Variants in NPIPB15 observed in about 807,000 individuals in gnomAD.
NPIPB15 encodes nuclear pore complex interacting protein family member B15, also known as nuclear pore complex-interacting protein family member B15.
In NPIPB15, 5 loss-of-function variants were observed where a neutral mutation model predicts 35.9. That is an observed-to-expected ratio of 0.14 (90% CI 0.07 to 0.29). The LOEUF is 0.29. Among genes scored for constraint, NPIPB15 ranks in the 10% least tolerant of loss-of-function variants. The pLI, the probability that NPIPB15 is intolerant of heterozygous loss-of-function variation, is 1.00. For synonymous variants in NPIPB15, 43 were observed against 182.0 expected (o/e 0.24, Z 6.15); for missense variants, 100 against 506.1 (o/e 0.20, Z 7.70).
intron 2 of NPIPB15, among the ~76,000 whole-genome samples, chr16:74,379,633 A>C (rs1387394497): frequency 6.8e-6 from 1 of 146,410 alleles, no homozygotes; most frequent in African/African-American, 2.6e-5. Context: ...TCTGTCACCC[A>C]GGCTGAAGTG....
intron 3 of NPIPB15, among the ~76,000 whole-genome samples, chr16:74,384,493 C>T (rs867617446): frequency 4.8e-5 from 5 of 104,462 alleles, no homozygotes; most frequent in African/African-American, 1.5e-4. Flanking sequence ...CTCAGCCTCC[C>T]GAGTAGCTGG....
At chr16:74,386,464 T>TTA in intron 5 of NPIPB15, among the ~76,000 whole-genome samples, 3 of 127,102 alleles carry the variant, frequency 2.4e-5, no homozygotes, top group African/African-American at 9.2e-5. Context: ...CCAATTTTTT[T>TTA]TTTTTTTTTT....
chr16:74,387,762 G>A (rs2012353399), intron 5 of NPIPB15, among the ~76,000 whole-genome samples: 1 of 151,588 alleles, frequency 6.6e-6, no homozygotes, highest in Non-Finnish European at 1.5e-5. Flanking sequence ...ATGCCCTGTG[G>A]TCAGAAACAA....
Position 74,376,566 on chromosome 16 carries a change from C to A in NPIPB15, c.-803C>A, listed in dbSNP as rs1288569387. Among the ~76,000 whole-genome samples, 2 of 151,318 alleles carry A rather than the reference C, an allele frequency of 1.3e-5. No individual in the cohort carries two copies. The highest frequency in any genetic ancestry group is 4.9e-5 in the African/African-American group (2 of 41,212). ...AAATGCACAGATTCCTTGGACGTCC[C>A]TGAGAGGTCAATGATGAAGGTCAAC... On this transcript the variant is annotated 5_prime_UTR_variant, in exon 1 of 8. It adds an upstream start codon to the 5' untranslated region. Coordinates refer to ENST00000692376, the MANE Select transcript of NPIPB15 (RefSeq NM_001306094.2).
At chr16:74,382,823 G>T (rs1168947656) in intron 3 of NPIPB15, among the ~76,000 whole-genome samples, 1 of 150,328 alleles carries the variant, frequency 6.7e-6, no homozygotes, top group East Asian at 2.0e-4. Context: ...AAATATATGA[G>T]TTATGAAGAT....
intron 3 of NPIPB15, among the ~76,000 whole-genome samples, chr16:74,382,516 T>C (rs1198634023): frequency 8.5e-5 from 13 of 152,222 alleles, no homozygotes; most frequent in Admixed American, 8.5e-4. Context: ...TGGAAAGAGA[T>C]CAGTATGTCA....
At position 74,376,724 on chromosome 16, in the gene NPIPB15, A is replaced by G. The variant is rs1163264146; in HGVS notation, c.-645A>G. On this transcript the variant is annotated 5_prime_UTR_variant, in exon 1 of 8. Transcript: ENST00000692376. Reference sequence around the variant, plus strand: ...CTAGGTGGGTTAGGGGTGATTTGAGATCACACAACCTTGTGCCACAAAGAG... The same window carrying G: ...CTAGGTGGGTTAGGGGTGATTTGAGGTCACACAACCTTGTGCCACAAAGAG... Among the ~76,000 whole-genome samples, 2 of 151,910 alleles carry G rather than the reference A, an allele frequency of 1.3e-5. No individual in the cohort carries two copies. The highest frequency in any genetic ancestry group is 2.1e-4 in the South Asian group (1 of 4,820).
chr16:74,391,342 G>T, intron 7 of NPIPB15, 49 bp from the exon 8 acceptor site: 1 of 1,583,806 alleles, frequency 6.3e-7, no homozygotes. Context: ...CGGTAATTTT[G>T]TCCATCAAAT....
rs532914956 is a variant in NPIPB15, at chr16:74,377,540, T to G, written c.-23+194T>G. Reference sequence around the variant, plus strand: ...AGGGAGGGCCCAGACCGAAGAAGGTTTGGTGGATAGCAGAACCTTTTTGTC... The same window carrying G: ...AGGGAGGGCCCAGACCGAAGAAGGTGTGGTGGATAGCAGAACCTTTTTGTC... On this transcript the variant is annotated intron_variant, in intron 1 of 7. Transcript: ENST00000692376. Among the ~76,000 whole-genome samples, 27 of 152,226 alleles carry G rather than the reference T, an allele frequency of 1.8e-4. No homozygotes were observed. The South Asian group carries it at 5.2e-3, about 29-fold the overall frequency.
At chr16:74,384,945 T>C (rs2012185365) in intron 3 of NPIPB15, among the ~76,000 whole-genome samples, 1 of 149,698 alleles carries the variant, frequency 6.7e-6, no homozygotes, top group Non-Finnish European at 1.5e-5. Context: ...CCTCCCAAAG[T>C]GCTGGGATTA....
At chr16:74,377,721 C>T (rs1384842170) in intron 1 of NPIPB15, among the ~76,000 whole-genome samples, 2 of 148,202 alleles carry the variant, frequency 1.3e-5, no homozygotes, top group Non-Finnish European at 3.0e-5. Flanking sequence ...TCCTCCTCCT[C>T]CTCCTCCACC....
Position 74,376,424 on chromosome 16 carries a change from C to T in NPIPB15, c.-945C>T, listed in dbSNP as rs1192531397. On this transcript the variant is annotated 5_prime_UTR_variant, in exon 1 of 8. Transcript: ENST00000692376. ...GTGGGGGTCTGTCCTGGTCACCAGACCCCTGGGTCCTGCCCACCTGCTTGG... is the reference window on the plus strand; with the variant it reads ...GTGGGGGTCTGTCCTGGTCACCAGATCCCTGGGTCCTGCCCACCTGCTTGG... 7.3e-5 allele frequency among the ~76,000 whole-genome samples: 11 copies of T among 151,092 alleles called. No individual in the cohort carries two copies. The highest frequency in any genetic ancestry group is 1.6e-4 in the Non-Finnish European group (11 of 67,892).
intron 5 of NPIPB15, among the ~76,000 whole-genome samples, chr16:74,389,064 C>G (rs1302150880): frequency 1.3e-5 from 2 of 148,502 alleles, no homozygotes; most frequent in African/African-American, 5.0e-5. Context: ...AAACTCGGTT[C>G]ATACCAGCCA....
At chr16:74,384,613 C>T (rs369153785) in intron 3 of NPIPB15, among the ~76,000 whole-genome samples, 7,849 of 130,490 alleles carry the variant, frequency 0.06, 1 homozygote, top group Non-Finnish European at 0.089. Context: ...GTGATTCACC[C>T]GCCTCAGCCT....
At chr16:74,388,637 A>C (rs2012398886) in intron 5 of NPIPB15, 1 of 946,588 alleles carries the variant, frequency 1.1e-6, no homozygotes, top group South Asian at 4.9e-5. Context: ...CAGCCTTCAG[A>C]TGCCAGAAGG....
chr16:74,379,790 G>A (rs1352657696), intron 2 of NPIPB15, among the ~76,000 whole-genome samples: 29 of 151,732 alleles, frequency 1.9e-4, no homozygotes, highest in East Asian at 1.4e-3. Flanking sequence ...GGGTTTCACC[G>A]TGTTAGCTAG....
In NPIPB15 at chr16:74,376,904, T is replaced by G. The variant is rs2011685766; in HGVS notation, c.-465T>G. ...GCAAATAATAATTTTGAATTAGCTTTTAATCATTGACTTCTAGCACAGTTA... is the reference window on the plus strand; with the variant it reads ...GCAAATAATAATTTTGAATTAGCTTGTAATCATTGACTTCTAGCACAGTTA... On this transcript the variant is annotated 5_prime_UTR_variant, in exon 1 of 8. Coordinates refer to ENST00000692376, the MANE Select transcript of NPIPB15 (RefSeq NM_001306094.2). Among the ~76,000 whole-genome samples the G allele has an allele frequency of 6.8e-6, 1 of 146,970 alleles. No homozygotes were observed. The highest frequency in any genetic ancestry group is 2.5e-5 in the African/African-American group (1 of 39,904).
intron 1 of NPIPB15, among the ~76,000 whole-genome samples, 191 bp downstream of exon 1, chr16:74,377,537 G>C (rs2011722781): frequency 6.6e-6 from 1 of 152,120 alleles, no homozygotes; most frequent in Non-Finnish European, 1.5e-5. Context: ...GACCGAAGAA[G>C]GTTTGGTGGA....
chr16:74,384,575 C>T (rs1332973939), intron 3 of NPIPB15, among the ~76,000 whole-genome samples: 17 of 140,612 alleles, frequency 1.2e-4, no homozygotes, highest in Non-Finnish European at 1.7e-4. Flanking sequence ...CACCATGTTG[C>T]CCAGGATGGT....
Sources: gnomAD v4.1 joint callset for allele counts (sites outside exome capture counted in the v4.1 genomes callset) on GRCh38, gnomAD v4.1.1 for gene constraint, MANE v1.5 for transcripts, NCBI Gene and HGNC (gene_info 2026-07-23, HGNC 2026-07-21) for gene names.